Variants in VWA3A observed in about 807,000 individuals in gnomAD.
VWA3A encodes von Willebrand factor A domain-containing protein 3A.
A neutral mutation model predicts 160.4 loss-of-function variants in VWA3A; 134 were observed. That is an observed-to-expected ratio of 0.84 (90% confidence interval 0.73 to 0.96). The LOEUF is 0.96. VWA3A is among the 40% of genes least tolerant of loss of function. VWA3A has a pLI of 0.00. For synonymous variants in VWA3A, 476 were observed against 543.4 expected, an observed-to-expected ratio of 0.88 and a Z score of 1.72; for missense variants, 1,310 against 1,447.9, an observed-to-expected ratio of 0.90 and a Z score of 1.55.
intron 22 of VWA3A, among the ~76,000 whole-genome samples, 195 bp downstream of exon 22, chr16:22,138,707 G>A (rs1285783686): frequency 2.0e-5 from 3 of 151,992 alleles, no homozygotes; most frequent in Admixed American, 1.3e-4. Flanking sequence ...AGCTCTCGGG[G>A]TCCTCTGTCC....
intron 17 of VWA3A, among the ~76,000 whole-genome samples, chr16:22,129,715 G>T (rs1236065621): frequency 1.3e-5 from 2 of 152,108 alleles, no homozygotes; most frequent in Non-Finnish European, 2.9e-5. Flanking sequence ...CTGTGGAGAT[G>T]CGAAGAGGAG....
At chr16:22,141,027 A>G (rs142046436) in intron 23 of VWA3A, among the ~76,000 whole-genome samples, 2 of 152,220 alleles carry the variant, frequency 1.3e-5, no homozygotes, top group Admixed American at 6.5e-5. Context: ...TTTAAAGCCT[A>G]TAATGATCAA....
intron 12 of VWA3A, among the ~76,000 whole-genome samples, chr16:22,120,262 G>A (rs2045710064): frequency 1.3e-5 from 2 of 152,148 alleles, no homozygotes; most frequent in African/African-American, 4.8e-5. Context: ...CCAAAATGAA[G>A]TGCATGTACT....
intron 21 of VWA3A, among the ~76,000 whole-genome samples, chr16:22,137,140 A>G (rs2046060340): frequency 6.6e-6 from 1 of 152,194 alleles, no homozygotes; most frequent in African/African-American, 2.4e-5. Context: ...CCTCAGGTGC[A>G]CATAGTCCCA....
In VWA3A at chr16:22,121,044, T is replaced by C. The variant is rs760382966; in HGVS notation, c.1193T>C (p.Ile398Thr). Residue 398 changes from isoleucine to threonine, a missense_variant, in exon 13 of 34, where the codon ATT (isoleucine) becomes ACT (threonine). Transcript: ENST00000389398. ...CCAAAGCATGACGCTCCTCTCACCA[T>C]TGAGTTTCCAAACTTGGACAAGACT... ...KPPKHDAPLT[I>T]EFPNLDKTSA... 1.2e-6 allele frequency: 2 copies of C among 1,614,014 alleles called. No homozygotes were observed. Among genetic ancestry groups the C allele is most frequent in the Non-Finnish European group, 1.7e-6 (2 of 1,179,902 alleles).
chr16:22,135,151 T>C (rs1439634729), intron 21 of VWA3A, among the ~76,000 whole-genome samples: 3 of 152,214 alleles, frequency 2.0e-5, no homozygotes, highest in Non-Finnish European at 4.4e-5. Flanking sequence ...CTCACTAAAC[T>C]GACTTAGCAA....
At chr16:22,128,423 C>CAA (rs923175606) in intron 17 of VWA3A, among the ~76,000 whole-genome samples, 1 of 152,092 alleles carries the variant, frequency 6.6e-6, no homozygotes, top group Non-Finnish European at 1.5e-5. Context: ...ATATTAAAGT[C>CAA]AAAAAATAAC....
intron 9 of VWA3A, 86 bp from the exon 10 acceptor site, chr16:22,116,673 G>A (rs1294663920): frequency 1.9e-6 from 2 of 1,080,930 alleles, no homozygotes; most frequent in Non-Finnish European, 2.8e-6. Context: ...ATGGGTAGAT[G>A]TTCCTTGGGA....
In VWA3A at chr16:22,133,818, C is replaced by CA. The variant is rs200808531; in HGVS notation, c.2069-543dup. Among the ~76,000 whole-genome samples the CA allele has an allele frequency of 6.5e-3, 988 of 151,814 alleles. 6 individuals carry two copies. Among genetic ancestry groups the CA allele is most frequent in the African/African-American group, 0.022 (909 of 41,386 alleles). ...GCAACATAGCAAGATTCTGCCTTTACAAAAAAATTAAAAATTAAAAAATAT... is the reference window on the plus strand; with the variant it reads ...GCAACATAGCAAGATTCTGCCTTTACAAAAAAAATTAAAAATTAAAAAATAT... On this transcript the variant is annotated intron_variant, in intron 20 of 33. Transcript: ENST00000389398.
Position 22,140,168 on chromosome 16 carries a change from C to G in VWA3A, c.2307C>G (p.Asp769Glu). ...CTGTTTTCTAGAGCATTAAAGATGA[C>G]CCTGACAGAGAGAAGAGCCCCCCGC... The part of the protein sequence containing the change: ...PLGARMSIKD[D>E]PDREKSPPLK... Residue 769 changes from aspartate (D) to glutamate (E), a missense_variant, in exon 23 of 34, where the codon GAC (aspartate) becomes GAG (glutamate). Asp to Glu is a conservative substitution (Grantham distance 45, BLOSUM62 2). Transcript: ENST00000389398. 3 of 1,613,498 alleles carry G rather than the reference C, an allele frequency of 1.9e-6. No homozygotes were observed. The highest frequency in any genetic ancestry group is 2.5e-6 in the Non-Finnish European group (3 of 1,179,690).
intron 6 of VWA3A, among the ~76,000 whole-genome samples, chr16:22,107,645 T>C (rs768890842): frequency 2.6e-5 from 4 of 152,102 alleles, no homozygotes; most frequent in Non-Finnish European, 5.9e-5. Context: ...ACTTAGGAGA[T>C]TGAGGCAGGA....
At position 22,138,327 on chromosome 16, in the gene VWA3A, G is replaced by C. The variant is rs377343482; in HGVS notation, c.2140-33G>C. 4.7e-4 allele frequency: 739 copies of C among 1,559,134 alleles called. 1 individual carries two copies. In the African/African-American group the frequency reaches 9.1e-3, roughly 19 times the overall value. ...TGTGTGTGTGTGTCCACAGTGGCTG[G>C]GGGTGCCACTGACCCTCCCAATCCC... On this transcript the variant is annotated intron_variant, in intron 21 of 33. Coordinates refer to ENST00000389398, the MANE Select transcript of VWA3A (RefSeq NM_173615.5).
intron 16 of VWA3A, among the ~76,000 whole-genome samples, chr16:22,125,634 A>T (rs1047114682): frequency 1.2e-4 from 19 of 152,128 alleles, no homozygotes; most frequent in African/African-American, 4.3e-4. Flanking sequence ...CATGTTAGCC[A>T]GGATGGTCCC....
chr16:22,153,377 G>C (rs1483841927), intron 31 of VWA3A, among the ~76,000 whole-genome samples: 2 of 152,148 alleles, frequency 1.3e-5, no homozygotes, highest in Non-Finnish European at 2.9e-5. Context: ...AAACTAGTCA[G>C]AGGAAGTGGT....
chr16:22,153,218 C>T (rs747410795), intron 31 of VWA3A, among the ~76,000 whole-genome samples: 3 of 152,122 alleles, frequency 2.0e-5, no homozygotes, highest in Admixed American at 6.6e-5. Context: ...TGGTGGCATG[C>T]ACGTGTAATC....
At chr16:22,125,285 C>T (rs1420733774) in intron 16 of VWA3A, among the ~76,000 whole-genome samples, 2 of 151,800 alleles carry the variant, frequency 1.3e-5, no homozygotes, top group Non-Finnish European at 2.9e-5. Context: ...ACTTGGGAAG[C>T]TGAGGCAGGA....
chr16:22,099,063 TC>T (rs1476099193), intron 3 of VWA3A, among the ~76,000 whole-genome samples: 4 of 151,150 alleles, frequency 2.6e-5, no homozygotes, highest in Non-Finnish European at 5.9e-5. Context: ...GGCACTGCAC[TC>T]CAGCATGGGC....
chr16:22,113,386 T>TG (rs2045584293), intron 8 of VWA3A, among the ~76,000 whole-genome samples: 1 of 130,664 alleles, frequency 7.7e-6, no homozygotes, highest in Non-Finnish European at 1.6e-5. Flanking sequence ...TTTTTTTTTT[T>TG]TTTTTTTTTT....
chr16:22,123,117 G>T lies in VWA3A; in HGVS notation c.1389G>T (p.Gly463=). The T allele has an allele frequency of 6.2e-7, 1 of 1,606,394 alleles. No homozygotes were observed. The highest frequency in any genetic ancestry group is 8.5e-7 in the Non-Finnish European group (1 of 1,176,360). ...KAMIQFEWHD[G]TVKNIHVDPP... is the part of the protein sequence containing the mutation. ...TGATACAATTTGAATGGCACGACGG[G>T]ACAGTGAAGAACATTCATGTGGACC... The change falls in exon 15 of 34, where the codon GGG becomes GGT. Residue 463 remains glycine (G), a synonymous_variant. Coordinates refer to ENST00000389398, the MANE Select transcript of VWA3A (RefSeq NM_173615.5).
Sources: allele counts gnomAD v4.1 joint callset (sites outside exome capture counted in the v4.1 genomes callset), GRCh38; gene constraint gnomAD v4.1.1; transcripts MANE v1.5; gene names NCBI Gene and HGNC (gene_info 2026-07-23, HGNC 2026-07-21).